TIAM1: variants seen among roughly 807,000 people sequenced by gnomAD.
TIAM1 encodes the protein rho guanine nucleotide exchange factor TIAM1.
Under a neutral mutation model 163.5 loss-of-function variants are expected in TIAM1, and 65 were observed. The observed-to-expected ratio is 0.40, with a 90% CI of 0.33 to 0.49. TIAM1 has a LOEUF of 0.49. Among genes scored for constraint, TIAM1 ranks in the 20% least tolerant of loss-of-function variants. The pLI is 0.77. For synonymous variants in TIAM1, 833 were observed against 810.1 expected (o/e 1.03, Z -0.48); for missense variants, 1,789 against 2,044.7 (o/e 0.87, Z 2.41).
intron 23 of TIAM1, among the ~76,000 whole-genome samples, chr21:31,133,450 G>A (rs148213299): frequency 6.6e-5 from 10 of 152,294 alleles, no homozygotes; most frequent in South Asian, 2.1e-4. Flanking sequence ...CTGTGGGCCC[G>A]CCTTCCTGGA....
chr21:31,371,827 C>T (rs1008701113), intron 2 of TIAM1, among the ~76,000 whole-genome samples: 2 of 152,132 alleles, frequency 1.3e-5, no homozygotes, highest in Non-Finnish European at 2.9e-5. Context: ...AGATCCTAGA[C>T]TCTTCATAAC....
At chr21:31,130,433 AT>A (rs1443855139) in intron 24 of TIAM1, 118 bp from the exon 25 acceptor site, 4 of 747,392 alleles carry the variant, frequency 5.4e-6, no homozygotes, top group African/African-American at 3.5e-5. Context: ...TGCCCAAAGG[AT>A]CTTCACCCCC....
intron 4 of TIAM1, among the ~76,000 whole-genome samples, chr21:31,261,096 G>A (rs544073504): frequency 2.0e-5 from 3 of 152,078 alleles, no homozygotes; most frequent in Non-Finnish European, 4.4e-5. Flanking sequence ...TGACAATGCT[G>A]CACTCTTTAC....
chr21:31,332,344 T>C (rs555792568), intron 2 of TIAM1, among the ~76,000 whole-genome samples: 1 of 152,228 alleles, frequency 6.6e-6, no homozygotes, highest in East Asian at 1.9e-4. Flanking sequence ...CTTTGCCAAC[T>C]ATACAGAGAG....
chr21:31,338,464 A>G (rs2075917659), intron 2 of TIAM1, among the ~76,000 whole-genome samples: 1 of 152,206 alleles, frequency 6.6e-6, no homozygotes, highest in African/African-American at 2.4e-5. Flanking sequence ...GTTGAAAAGA[A>G]CAAGAGCAAC....
At chr21:31,246,126 T>C (rs553121733) in intron 5 of TIAM1, among the ~76,000 whole-genome samples, 1 of 152,282 alleles carries the variant, frequency 6.6e-6, no homozygotes, top group Admixed American at 6.5e-5. Flanking sequence ...TTCCAGACCA[T>C]GCCCTTGGAT....
At chr21:31,127,409 G>A (rs907227321) in intron 25 of TIAM1, among the ~76,000 whole-genome samples, 1 of 145,054 alleles carries the variant, frequency 6.9e-6, no homozygotes, top group African/African-American at 2.5e-5. Context: ...CATATGGACC[G>A]AACTTTTTTT....
At chr21:31,434,049 C>T (rs2044129652) in intron 2 of TIAM1, among the ~76,000 whole-genome samples, 1 of 152,074 alleles carries the variant, frequency 6.6e-6, no homozygotes, top group African/African-American at 2.4e-5. Flanking sequence ...CCACCCACCT[C>T]GGCCTCCCAA....
At chr21:31,421,037 G>C (rs1419756030) in intron 2 of TIAM1, among the ~76,000 whole-genome samples, 2 of 151,650 alleles carry the variant, frequency 1.3e-5, no homozygotes, top group Non-Finnish European at 2.9e-5. Flanking sequence ...CAGGGGAATC[G>C]CTTGAACCTG....
chr21:31,185,482 A>G (rs908570412), intron 14 of TIAM1, among the ~76,000 whole-genome samples: 5 of 144,084 alleles, frequency 3.5e-5, no homozygotes, highest in African/African-American at 2.5e-5. Flanking sequence ...TATATTCTAT[A>G]TTTATATATT....
At chr21:31,445,294 C>A (rs1230046493) in intron 2 of TIAM1, among the ~76,000 whole-genome samples, 1 of 152,188 alleles carries the variant, frequency 6.6e-6, no homozygotes, top group Non-Finnish European at 1.5e-5. Context: ...TGTGCCCCTG[C>A]TGGCTTCAAC....
intron 2 of TIAM1, among the ~76,000 whole-genome samples, chr21:31,294,109 G>A (rs1297763334): frequency 2.0e-5 from 3 of 152,176 alleles, no homozygotes; most frequent in African/African-American, 7.2e-5. Context: ...GGTGTCCCCA[G>A]CAAGTCCTCA....
intron 2 of TIAM1, among the ~76,000 whole-genome samples, chr21:31,392,532 C>A (rs1347252056): frequency 1.4e-5 from 2 of 143,700 alleles, no homozygotes; most frequent in Admixed American, 1.4e-4. Flanking sequence ...ATCGCGCCAT[C>A]GCACTCCAGC....
intron 4 of TIAM1, among the ~76,000 whole-genome samples, chr21:31,260,249 T>A (rs966081054): frequency 6.7e-6 from 1 of 148,396 alleles, no homozygotes; most frequent in African/African-American, 2.5e-5. Context: ...TATACTTTTT[T>A]TTTTTTGAGA....
chr21:31,328,007 T>G (rs985687877), intron 2 of TIAM1, among the ~76,000 whole-genome samples: 2 of 152,098 alleles, frequency 1.3e-5, no homozygotes, highest in Non-Finnish European at 2.9e-5. Context: ...TCTCCCACTT[T>G]GCTCTTTCCA....
intron 8 of TIAM1, among the ~76,000 whole-genome samples, chr21:31,218,687 C>T (rs1298341257): frequency 6.6e-6 from 1 of 152,088 alleles, no homozygotes; most frequent in African/African-American, 2.4e-5. Context: ...TGGTCAATGG[C>T]ATACAAGCAA....
intron 4 of TIAM1, among the ~76,000 whole-genome samples, chr21:31,259,257 C>T (rs2072306964): frequency 6.6e-6 from 1 of 151,918 alleles, no homozygotes; most frequent in Non-Finnish European, 1.5e-5. Flanking sequence ...CACCTCAGCC[C>T]ACTACGAAAC....
intron 15 of TIAM1, among the ~76,000 whole-genome samples, chr21:31,168,406 C>CTT (rs201400379): frequency 6.6e-6 from 1 of 150,846 alleles, no homozygotes; most frequent in African/African-American, 2.4e-5. Flanking sequence ...CCCTGAGATT[C>CTT]TTTTTCTTTT....
chr21:31,300,069 G>A (rs1186593611), intron 2 of TIAM1, among the ~76,000 whole-genome samples: 1 of 152,114 alleles, frequency 6.6e-6, no homozygotes, highest in Non-Finnish European at 1.5e-5. Flanking sequence ...GGATCACGGG[G>A]GAGGATTTCT....
Sources: allele counts gnomAD v4.1 joint callset (sites outside exome capture counted in the v4.1 genomes callset), GRCh38; gene constraint gnomAD v4.1.1; transcripts MANE v1.5; gene names NCBI Gene and HGNC (gene_info 2026-07-23, HGNC 2026-07-21).